The following CSMD1 variants were observed in gnomAD, a reference collection of about 807,000 sequenced individuals.
The protein encoded by CSMD1 is CUB and sushi domain-containing protein 1.
CSMD1 carries 213 observed loss-of-function variants against 417.5 expected under a neutral mutation model. The ratio of observed to expected loss-of-function variants is 0.51; its 90% CI spans 0.46 to 0.57. CSMD1 has a LOEUF of 0.57. CSMD1 is among the 20% of genes least tolerant of loss of function. CSMD1 has a pLI of 0.00. For missense variants in CSMD1, 6,923 were observed against 4,529.7 expected, an observed-to-expected ratio of 1.53 and a Z score of -15.17; for synonymous variants, 2,862 against 1,736.8, an observed-to-expected ratio of 1.65 and a Z score of -16.11.
intron 1 of CSMD1, among the ~76,000 whole-genome samples, chr8:4,732,298 G>A (rs1809936241): frequency 6.6e-6 from 1 of 151,074 alleles, no homozygotes; most frequent in South Asian, 2.1e-4. Context: ...AAACCTTAAT[G>A]TTAAATTAAG....
intron 1 of CSMD1, among the ~76,000 whole-genome samples, chr8:4,816,183 T>C (rs1227399084): frequency 6.8e-6 from 1 of 146,320 alleles, no homozygotes; most frequent in Non-Finnish European, 1.5e-5. Context: ...TAAATCACAC[T>C]TGTTATTTGC....
chr8:3,926,779 G>C (rs981756920), intron 5 of CSMD1, among the ~76,000 whole-genome samples: 4 of 132,952 alleles, frequency 3.0e-5, no homozygotes, highest in South Asian at 2.4e-4. Context: ...GCAGTGTCGT[G>C]ATCTCAGCTC....
At chr8:4,071,824 TG>T (rs1458390831) in intron 3 of CSMD1, among the ~76,000 whole-genome samples, 1 of 151,758 alleles carries the variant, frequency 6.6e-6, no homozygotes, top group Non-Finnish European at 1.5e-5. Context: ...AACTTCCTGT[TG>T]TGGGGGGGTG....
chr8:4,020,637 C>G (rs1171934460), intron 4 of CSMD1, among the ~76,000 whole-genome samples: 1 of 152,164 alleles, frequency 6.6e-6, no homozygotes, highest in Non-Finnish European at 1.5e-5. Flanking sequence ...AATCACTCTT[C>G]TTTATTTTTT....
intron 21 of CSMD1, among the ~76,000 whole-genome samples, chr8:3,351,598 C>CAAAA (rs10718608): frequency 4.0e-5 from 5 of 124,248 alleles, no homozygotes; most frequent in Admixed American, 8.1e-5. Flanking sequence ...GACTCTGTTT[C>CAAAA]AAAAAAAAAA....
In CSMD1 at chr8:4,797,381, T is replaced by C. The variant is rs76302405; in HGVS notation, c.86-159823A>G. On this transcript the variant is annotated intron_variant, in intron 1 of 69. Coordinates refer to ENST00000635120, the MANE Select transcript of CSMD1 (RefSeq NM_033225.6). ...AGCATCTGTGAAAGAGTGTTCCGCC[T>C]GAATCTAGGGATCAAGCTGCCACTT... is the stretch of plus-strand genomic sequence containing the variant. 5.5e-3 allele frequency among the ~76,000 whole-genome samples: 841 copies of C among 152,260 alleles called. 10 individuals are homozygous for C. The highest frequency in any genetic ancestry group is 0.02 in the African/African-American group (820 of 41,560).
intron 3 of CSMD1, among the ~76,000 whole-genome samples, chr8:4,103,167 C>T (rs1236807997): frequency 1.3e-5 from 2 of 151,796 alleles, no homozygotes; most frequent in Admixed American, 1.3e-4. Context: ...GTGAGCCAGT[C>T]AGCACAAAAC....
intron 31 of CSMD1, among the ~76,000 whole-genome samples, chr8:3,203,298 C>G (rs1585643560): frequency 6.6e-6 from 1 of 152,170 alleles, no homozygotes; most frequent in African/African-American, 2.4e-5. Flanking sequence ...GAGGAACCTC[C>G]TTCACCTGGG....
chr8:3,618,454 T>C (rs1246211042), intron 7 of CSMD1, among the ~76,000 whole-genome samples: 2 of 151,320 alleles, frequency 1.3e-5, no homozygotes, highest in Non-Finnish European at 2.9e-5. Flanking sequence ...GGTATTTTTA[T>C]TTCTTTTTTA....
chr8:4,443,342 G>A (rs1174360225), intron 2 of CSMD1, among the ~76,000 whole-genome samples: 1 of 152,282 alleles, frequency 6.6e-6, no homozygotes, highest in East Asian at 1.9e-4. Context: ...CCCACAATAT[G>A]CATACACACT....
At chr8:4,134,552 G>A (rs1803303478) in intron 3 of CSMD1, among the ~76,000 whole-genome samples, 1 of 152,196 alleles carries the variant, frequency 6.6e-6, no homozygotes, top group South Asian at 2.1e-4. Flanking sequence ...CACCTAGTCT[G>A]TGGCACATTG....
intron 5 of CSMD1, among the ~76,000 whole-genome samples, chr8:3,816,153 A>T (rs1274391577): frequency 6.6e-6 from 1 of 152,180 alleles, no homozygotes; most frequent in African/African-American, 2.4e-5. Context: ...AAAGAAAACA[A>T]GATTGGATAA....
At chr8:3,629,890 C>T (rs1179910670) in intron 7 of CSMD1, among the ~76,000 whole-genome samples, 7 of 152,142 alleles carry the variant, frequency 4.6e-5, no homozygotes, top group Admixed American at 3.3e-4. Context: ...TGCCTTTTCA[C>T]TTAGAAAAAA....
chr8:4,114,508 C>A (rs1003416030), intron 3 of CSMD1, among the ~76,000 whole-genome samples: 1 of 152,196 alleles, frequency 6.6e-6, no homozygotes, highest in Admixed American at 6.5e-5. Context: ...AATATCCATT[C>A]TGCAGCCCAT....
intron 1 of CSMD1, among the ~76,000 whole-genome samples, chr8:4,743,229 G>C (rs1428060115): frequency 1.3e-5 from 2 of 152,054 alleles, no homozygotes; most frequent in Admixed American, 6.5e-5. Flanking sequence ...CATTATTTTA[G>C]ACATAATCTA....
At chr8:3,652,254 ACTTACCACCATCAGTGCG>A (rs979103016) in intron 7 of CSMD1, among the ~76,000 whole-genome samples, 2 of 150,284 alleles carry the variant, frequency 1.3e-5, no homozygotes, top group Admixed American at 6.6e-5. Context: ...ACGTCATTGC[ACTTACCACCATCAGTGCG>A]CTTACCACCA....
At chr8:4,464,487 TA>T (rs1293575546) in intron 2 of CSMD1, among the ~76,000 whole-genome samples, 2 of 152,168 alleles carry the variant, frequency 1.3e-5, no homozygotes, top group African/African-American at 4.8e-5. Context: ...AGTCAAAGCT[TA>T]TTTTATAATA....
intron 2 of CSMD1, among the ~76,000 whole-genome samples, chr8:4,424,719 G>A (rs908247496): frequency 6.6e-6 from 1 of 151,982 alleles, no homozygotes; most frequent in African/African-American, 2.4e-5. Flanking sequence ...GTTCTTCTCT[G>A]CATTTGCCCT....
chr8:3,898,119 A>C (rs1807490712), intron 5 of CSMD1, among the ~76,000 whole-genome samples: 1 of 152,202 alleles, frequency 6.6e-6, no homozygotes, highest in South Asian at 2.1e-4. Flanking sequence ...CTCACCATAT[A>C]GCAGAGTTTC....
Sources: allele counts gnomAD v4.1 joint callset (sites outside exome capture counted in the v4.1 genomes callset), GRCh38; gene constraint gnomAD v4.1.1; transcripts MANE v1.5; gene names NCBI Gene and HGNC (gene_info 2026-07-23, HGNC 2026-07-21).